Variants in CDK13 observed in about 807,000 individuals in gnomAD.
CDK13 encodes cyclin dependent kinase 13, also known as cyclin-dependent kinase 13.
Under a neutral mutation model 137.6 loss-of-function variants are expected in CDK13, and 40 were observed. The ratio of observed to expected loss-of-function variants is 0.29; its 90% CI spans 0.23 to 0.38. CDK13 has a LOEUF of 0.38. Among genes scored for constraint, CDK13 ranks in the 10% least tolerant of loss-of-function variants. CDK13 has a pLI of 1.00. For synonymous variants in CDK13, 869 were observed against 760.1 expected (o/e 1.14, Z -2.36); for missense variants, 1,704 against 1,951.8 (o/e 0.87, Z 2.39).
chr7:40,070,016 A>C (rs1786376430), intron 9 of CDK13: 1 of 144,704 alleles, frequency 6.9e-6, no homozygotes, highest in Non-Finnish European at 1.5e-5. Context: ...AGGTCAGGAG[A>C]TCAAGACCAT....
intron 11 of CDK13, among the ~76,000 whole-genome samples, chr7:40,079,433 T>C (rs533008190): frequency 6.7e-6 from 1 of 149,346 alleles, no homozygotes; most frequent in Non-Finnish European, 1.5e-5. Flanking sequence ...AAAAAAAAAA[T>C]ATTACTGCTG....
intron 5 of CDK13, among the ~76,000 whole-genome samples, chr7:40,015,122 G>C (rs1015802564): frequency 2.6e-5 from 4 of 152,174 alleles, no homozygotes; most frequent in African/African-American, 9.7e-5. Flanking sequence ...AATTTGGAAT[G>C]ACTTTCTTCT....
intron 5 of CDK13, among the ~76,000 whole-genome samples, chr7:40,020,485 T>G (rs1021959956): frequency 6.6e-6 from 1 of 152,198 alleles, no homozygotes; most frequent in Non-Finnish European, 1.5e-5. Flanking sequence ...CTTTCCCTCC[T>G]GCTGTTCCCC....
chr7:39,977,898 C>T (rs1470110730), intron 1 of CDK13, among the ~76,000 whole-genome samples: 1 of 152,016 alleles, frequency 6.6e-6, no homozygotes, highest in Non-Finnish European at 1.5e-5. Flanking sequence ...AGCTTGGAAA[C>T]CAAATAGATC....
chr7:40,021,155 A>C (rs1005518153), intron 5 of CDK13, among the ~76,000 whole-genome samples: 29 of 151,200 alleles, frequency 1.9e-4, no homozygotes, highest in Non-Finnish European at 2.9e-5. Flanking sequence ...ACACACATAA[A>C]GTTTTAAGTC....
intron 11 of CDK13, among the ~76,000 whole-genome samples, chr7:40,081,902 G>A (rs542381718): frequency 3.5e-4 from 54 of 152,208 alleles, no homozygotes; most frequent in Non-Finnish European, 2.4e-4. Flanking sequence ...GTGAGCCACC[G>A]TGCCCAGCCC....
chr7:40,086,097 G>A (rs964673715), intron 11 of CDK13, among the ~76,000 whole-genome samples: 28 of 152,018 alleles, frequency 1.8e-4, no homozygotes, highest in African/African-American at 5.1e-4. Flanking sequence ...TTATAAAAGC[G>A]CGTCATGCTG....
rs1160695754 is a variant in CDK13 at position 39,950,267 on chromosome 7, G to A, written c.-375G>A. The stretch of plus-strand genomic sequence containing the variant: ...GCGACGAAGGTGGTACTTCCGCGTT[G>A]CGCTGCCCGAGCCGAGAGCGCGGCC... On this transcript the variant is annotated 5_prime_UTR_variant, in exon 1 of 14. Coordinates refer to ENST00000181839, the MANE Select transcript of CDK13 (RefSeq NM_003718.5). 1 of 1,046,844 alleles carries A rather than the reference G, an allele frequency of 9.6e-7. No homozygotes were observed. Among genetic ancestry groups the A allele is most frequent in the Non-Finnish European group, 1.1e-6 (1 of 870,274 alleles). The allele number at this position is 1,046,844 out of a possible 1,614,324, so 64.8% of individuals were successfully genotyped here. A position where few individuals can be genotyped will look rare whatever the true frequency, so the allele number is the denominator to read the frequency against.
At chr7:40,037,716 T>C (rs563370513) in intron 5 of CDK13, among the ~76,000 whole-genome samples, 1 of 152,218 alleles carries the variant, frequency 6.6e-6, no homozygotes, top group East Asian at 1.9e-4. Flanking sequence ...TTTGACCTTA[T>C]CTTTCTTGTA....
rs1437219404 is a variant in CDK13, at chr7:40,005,273, T to G, written c.2353+3242T>G. ...TAATCACGAAGGTTATTAATTTCAA[T>G]TAATTATTTAAAGTGAATTTTTTTT... On this transcript the variant is annotated intron_variant, in intron 5 of 13. Coordinates refer to ENST00000181839, the MANE Select transcript of CDK13 (RefSeq NM_003718.5). Among the ~76,000 whole-genome samples, 4 of 139,474 alleles carry G rather than the reference T, an allele frequency of 2.9e-5. No individual in the cohort carries two copies. In the South Asian group the frequency reaches 7.0e-4, roughly 24 times the overall value. The allele number at this position is 139,474 out of a possible 152,430, so 91.5% of individuals were successfully genotyped here.
chr7:39,999,616 C>T (rs998128815), intron 4 of CDK13, 116 bp downstream of exon 4: 3 of 1,029,822 alleles, frequency 2.9e-6, no homozygotes, highest in African/African-American at 3.3e-5. Flanking sequence ...TTTTATTGTG[C>T]TTTTGTTTCA....
chr7:39,981,834 C>A (rs1238283448), intron 1 of CDK13, among the ~76,000 whole-genome samples: 1 of 150,016 alleles, frequency 6.7e-6, no homozygotes, highest in Non-Finnish European at 1.5e-5. Flanking sequence ...CTCTGTCACC[C>A]AGGCTGGAGT....
intron 9 of CDK13, among the ~76,000 whole-genome samples, chr7:40,074,170 G>C (rs1786487729): frequency 6.6e-6 from 1 of 152,182 alleles, no homozygotes; most frequent in South Asian, 2.1e-4. Context: ...AAAGTGCTGT[G>C]ATTAGAGGCA....
intron 7 of CDK13, chr7:40,061,270 A>C (rs982417208): frequency 6.6e-6 from 1 of 152,220 alleles, no homozygotes; most frequent in Non-Finnish European, 1.5e-5. Context: ...ATTTACTATT[A>C]AAAATATTCA....
At chr7:40,092,068 TAAG>T (rs1786937182) in intron 12 of CDK13, among the ~76,000 whole-genome samples, 1 of 151,548 alleles carries the variant, frequency 6.6e-6, no homozygotes, top group African/African-American at 2.4e-5. Flanking sequence ...ATATTAATAA[TAAG>T]CATATTTCTG....
chr7:40,064,884 T>TG (rs1457951589), intron 9 of CDK13, among the ~76,000 whole-genome samples: 3 of 149,168 alleles, frequency 2.0e-5, no homozygotes, highest in African/African-American at 7.4e-5. Context: ...CTTGACCTCC[T>TG]GGAGCCAAAC....
chr7:40,026,182 G>A (rs1424119766), intron 5 of CDK13, among the ~76,000 whole-genome samples: 4 of 152,148 alleles, frequency 2.6e-5, no homozygotes, highest in Admixed American at 2.0e-4. Context: ...GTACCTCACC[G>A]TTGAAATTAA....
intron 5 of CDK13, among the ~76,000 whole-genome samples, chr7:40,015,710 G>A (rs1359617535): frequency 6.6e-6 from 1 of 152,094 alleles, no homozygotes; most frequent in Non-Finnish European, 1.5e-5. Context: ...ATTTTATTAT[G>A]TGGAGATCAG....
At position 40,096,844 on chromosome 7, in the gene CDK13, AAT is replaced by A. The variant is rs1787058226; in HGVS notation, c.*1867_*1868del. The A allele has an allele frequency of 6.6e-6, 1 of 152,154 alleles. No homozygotes were observed. The allele number at this position is 152,154 out of a possible 1,614,324, so 9.4% of individuals were successfully genotyped here. A position where few individuals can be genotyped will look rare whatever the true frequency, so the allele number is the denominator to read the frequency against. On this transcript the variant is annotated 3_prime_UTR_variant, in exon 14 of 14. Transcript: ENST00000181839. ...GAGAAAGAAATGAATGGAAGAAAAA[AAT>A]ATGTTGCTTTTATTTGAATATTGAT...
Sources: gnomAD v4.1 joint callset for allele counts (sites outside exome capture counted in the v4.1 genomes callset) on GRCh38, gnomAD v4.1.1 for gene constraint, MANE v1.5 for transcripts, NCBI Gene and HGNC (gene_info 2026-07-23, HGNC 2026-07-21) for gene names.